ODF2L: variants seen among roughly 807,000 people sequenced by gnomAD.
The protein encoded by ODF2L is protein BCAP.
ODF2L carries 76 observed loss-of-function variants against 86.3 expected under a neutral mutation model. The ratio of observed to expected loss-of-function variants is 0.88; its 90% CI spans 0.73 to 1.07. The LOEUF (loss-of-function observed/expected upper bound fraction) is 1.07. Ranked by LOEUF, ODF2L falls within the 50% of genes least tolerant of loss-of-function variation. ODF2L has a pLI of 0.00. For synonymous variants in ODF2L, 241 were observed against 231.3 expected (o/e 1.04, Z -0.38); for missense variants, 748 against 717.4 (o/e 1.04, Z -0.49).
At chr1:86,360,511 T>A in exon 12 of ODF2L, 1 of 1,594,812 alleles carries the variant, frequency 6.3e-7, no homozygotes, top group African/African-American at 1.3e-5. Context: ...AGATACAACT[T>A]CATCCTTCAA....
chr1:86,372,682 T>C (rs1296031695), intron 8 of ODF2L, 142 bp from the exon 9 acceptor site: 1 of 460,106 alleles, frequency 2.2e-6, no homozygotes, highest in Non-Finnish European at 3.8e-6. Flanking sequence ...TATACATGCA[T>C]GTTTATAGCA....
chr1:86,361,946 C>G (rs1278703456), intron 11 of ODF2L, among the ~76,000 whole-genome samples: 1 of 152,126 alleles, frequency 6.6e-6, no homozygotes, highest in Non-Finnish European at 1.5e-5. Flanking sequence ...TAAGAACAAG[C>G]AGTAAAATAC....
chr1:86,393,829 T>C (rs912119171), intron 1 of ODF2L, among the ~76,000 whole-genome samples: 1 of 152,218 alleles, frequency 6.6e-6, no homozygotes, highest in Admixed American at 6.5e-5. Context: ...CCCTAAAAAA[T>C]TACCTAACAC....
At chr1:86,368,711 T>C in exon 11 of ODF2L, 1 of 1,447,514 alleles carries the variant, frequency 6.9e-7, no homozygotes, top group Non-Finnish European at 9.2e-7. Context: ...TAATTCTACA[T>C]GGGAATCTAA....
At chr1:86,355,298 A>AT (rs1001348190) in intron 14 of ODF2L, 9 of 1,290,456 alleles carry the variant, frequency 7.0e-6, no homozygotes, top group Non-Finnish European at 9.8e-6. Context: ...TAAAATACAT[A>AT]TTTTTTTGAG....
At chr1:86,374,558 G>C (rs1284579635) in intron 8 of ODF2L, among the ~76,000 whole-genome samples, 3 of 152,110 alleles carry the variant, frequency 2.0e-5, no homozygotes, top group Non-Finnish European at 4.4e-5. Flanking sequence ...CAGAATTATA[G>C]AGCATTTAAC....
At chr1:86,362,541 T>A (rs978940318) in intron 11 of ODF2L, among the ~76,000 whole-genome samples, 1 of 152,086 alleles carries the variant, frequency 6.6e-6, no homozygotes, top group African/African-American at 2.4e-5. Context: ...TCCTCCCACA[T>A]TGCCTTCCTG....
At chr1:86,352,113 G>C in exon 18 of ODF2L, 1 of 1,455,242 alleles carries the variant, frequency 6.9e-7, no homozygotes, top group South Asian at 1.5e-5. Flanking sequence ...ATCAAATTGT[G>C]CATGCCAAAA....
downstream of ODF2L, chr1:86,348,707 T>C: frequency 7.3e-7 from 1 of 1,362,402 alleles, no homozygotes; most frequent in Non-Finnish European, 9.6e-7. Flanking sequence ...CATTTTAGAC[T>C]CATAATAAAA....
intron 8 of ODF2L, 143 bp downstream of exon 8, chr1:86,376,090 A>G: frequency 4.4e-6 from 2 of 456,644 alleles, no homozygotes; most frequent in South Asian, 6.8e-5. Context: ...AAAGTAAAAG[A>G]TTAAAGCAAA....
intron 17 of ODF2L, among the ~76,000 whole-genome samples, chr1:86,352,497 T>C (rs1658209350): frequency 1.3e-5 from 2 of 152,152 alleles, no homozygotes. Context: ...AAGACAGATA[T>C]AAAACTCACT....
At chr1:86,355,083 TA>T (rs922089419) in intron 14 of ODF2L, 21 of 539,812 alleles carry the variant, frequency 3.9e-5, no homozygotes, top group Non-Finnish European at 4.9e-5. Context: ...AATAACCAAC[TA>T]AAAAAAATTC....
chr1:86,355,053 T>C, intron 14 of ODF2L, 194 bp from the exon 14 acceptor site: 1 of 554,550 alleles, frequency 1.8e-6, no homozygotes, highest in Non-Finnish European at 3.2e-6. Flanking sequence ...TTTAAAGAAG[T>C]TATGTTGCCT....
chr1:86,393,347 GAC>G (rs1661461601), intron 1 of ODF2L, among the ~76,000 whole-genome samples: 1 of 150,476 alleles, frequency 6.6e-6, no homozygotes, highest in African/African-American at 2.5e-5. Context: ...TACTATTCTG[GAC>G]ACTAGTCAAA....
At chr1:86,381,640 T>C (rs1406152374) in intron 7 of ODF2L, among the ~76,000 whole-genome samples, 1 of 152,074 alleles carries the variant, frequency 6.6e-6, no homozygotes, top group Non-Finnish European at 1.5e-5. Context: ...TTACCTTATA[T>C]TGTATGATAT....
intron 1 of ODF2L, among the ~76,000 whole-genome samples, chr1:86,394,863 C>CA (rs926902825): frequency 9.4e-6 from 1 of 106,210 alleles, no homozygotes; most frequent in African/African-American, 3.5e-5. Context: ...TTTTTTGAGA[C>CA]AGAGTCTCGC....
chr1:86,360,408 A>G lies in ODF2L; in HGVS notation c.1254+18T>C. ...GTCTACCAATTTTAGTAAACACTAA[A>G]ATAAATGCAGTAGTCACCTGAGTTT... is the stretch of plus-strand genomic sequence containing the variant. On this transcript the variant is annotated intron_variant, in intron 12 of 17. Transcript: ENST00000317336. The G allele has an allele frequency of 9.1e-7, 1 of 1,101,564 alleles. No individual in the cohort carries two copies. The highest frequency in any genetic ancestry group is 1.4e-6 in the Non-Finnish European group (1 of 734,944). The allele number at this position is 1,101,564 out of a possible 1,614,324, so 68.2% of individuals were successfully genotyped here.
At chr1:86,355,523 T>TAAA in intron 14 of ODF2L, 1 of 620,576 alleles carries the variant, frequency 1.6e-6, no homozygotes, top group Non-Finnish European at 2.9e-6. Flanking sequence ...TAAAATTTTG[T>TAAA]CTGCATATTT....
chr1:86,371,489 A>C (rs2101031753), intron 9 of ODF2L, among the ~76,000 whole-genome samples: 1 of 152,328 alleles, frequency 6.6e-6, no homozygotes, highest in East Asian at 1.9e-4. Context: ...ACACATATAT[A>C]CACAATTTTA....
Sources: gnomAD v4.1 joint callset for allele counts (sites outside exome capture counted in the v4.1 genomes callset) on GRCh38, gnomAD v4.1.1 for gene constraint, MANE v1.5 for transcripts, NCBI Gene and HGNC (gene_info 2026-07-23, HGNC 2026-07-21) for gene names.